Variants in FANCC observed in about 807,000 individuals in gnomAD.
FANCC encodes Fanconi anemia group C protein.
Under a neutral mutation model 71.3 loss-of-function variants are expected in FANCC, and 55 were observed. The observed-to-expected ratio is 0.77, with a 90% CI of 0.62 to 0.97. The LOEUF (loss-of-function observed/expected upper bound fraction) is 0.97, where lower values mean the gene tolerates loss of function less well. Ranked by LOEUF, FANCC falls within the 50% of genes least tolerant of loss-of-function variation. The pLI is 0.00. For synonymous variants in FANCC, 275 were observed against 244.9 expected (o/e 1.12, Z -1.15); for missense variants, 678 against 670.9 (o/e 1.01, Z -0.12).
chr9:95,307,355 C>A (rs1835127058), intron 1 of FANCC, among the ~76,000 whole-genome samples: 1 of 152,024 alleles, frequency 6.6e-6, no homozygotes, highest in Non-Finnish European at 1.5e-5. Flanking sequence ...AAAAACCATG[C>A]TTATAAAACC....
chr9:95,265,911 G>C (rs1256281855), intron 1 of FANCC, among the ~76,000 whole-genome samples: 1 of 152,132 alleles, frequency 6.6e-6, no homozygotes, highest in African/African-American at 2.4e-5. Flanking sequence ...TTACACTGTG[G>C]GAAGGGCTGG....
Position 95,291,819 on chromosome 9 carries a change from G to T in FANCC, c.-79+25707C>A, listed in dbSNP as rs147048675. ...AAAAATTAGCTGAGGATAGTGGCAG[G>T]CACCTGTAGTCCCGGTTACTCGGGA... On this transcript the variant is annotated intron_variant, in intron 1 of 14. Transcript: ENST00000289081. Among the ~76,000 whole-genome samples, 977 of 151,288 alleles carry T rather than the reference G, an allele frequency of 6.5e-3. 7 individuals carry two copies. The highest frequency in any genetic ancestry group is 0.021 in the African/African-American group (854 of 41,258).
intron 4 of FANCC, among the ~76,000 whole-genome samples, chr9:95,200,859 C>T (rs537416705): frequency 2.0e-4 from 30 of 152,154 alleles, no homozygotes; most frequent in Admixed American, 1.6e-3. Flanking sequence ...GAATAAAAGG[C>T]GCATATTTTA....
At chr9:95,191,610 T>C (rs1243289730) in intron 4 of FANCC, among the ~76,000 whole-genome samples, 2 of 152,058 alleles carry the variant, frequency 1.3e-5, no homozygotes, top group South Asian at 2.1e-4. Context: ...AACTGTGCAA[T>C]TGGTATCTCA....
intron 4 of FANCC, among the ~76,000 whole-genome samples, chr9:95,181,617 T>A (rs781778902): frequency 1.2e-4 from 18 of 152,208 alleles, no homozygotes; most frequent in Non-Finnish European, 1.9e-4. Flanking sequence ...ACTGAGTTTC[T>A]AAATATACAA....
At chr9:95,306,706 T>A (rs1363577966) in intron 1 of FANCC, among the ~76,000 whole-genome samples, 1 of 152,218 alleles carries the variant, frequency 6.6e-6, no homozygotes, top group Admixed American at 6.5e-5. Context: ...GAAAAGGTTA[T>A]CATCTCATAA....
intron 1 of FANCC, among the ~76,000 whole-genome samples, chr9:95,261,216 G>A (rs893083590): frequency 1.3e-5 from 2 of 152,132 alleles, no homozygotes; most frequent in East Asian, 3.8e-4. Flanking sequence ...TCAGATTTAT[G>A]GTAATTTCAA....
At chr9:95,140,566 G>A (rs950129518) in intron 7 of FANCC, among the ~76,000 whole-genome samples, 3 of 152,176 alleles carry the variant, frequency 2.0e-5, no homozygotes, top group Non-Finnish European at 4.4e-5. Context: ...CTGAGAGGTT[G>A]TGTTCTAAAG....
At chr9:95,187,632 C>T (rs562916835) in intron 4 of FANCC, among the ~76,000 whole-genome samples, 1 of 152,060 alleles carries the variant, frequency 6.6e-6, no homozygotes, top group Admixed American at 6.5e-5. Context: ...ACAAACACCC[C>T]CTTTCCACTG....
At chr9:95,149,455 A>G (rs890682775) in intron 7 of FANCC, among the ~76,000 whole-genome samples, 2 of 152,202 alleles carry the variant, frequency 1.3e-5, no homozygotes, top group Non-Finnish European at 2.9e-5. Flanking sequence ...AAAAATAAAA[A>G]AATAAAATGT....
At position 95,271,927 on chromosome 9, in the gene FANCC, CTTTTT is replaced by C. The variant is rs869093626; in HGVS notation, c.-78-22563_-78-22559del. Among the ~76,000 whole-genome samples the C allele has an allele frequency of 1.2e-3, 59 of 50,492 alleles. 1 individual carries two copies. The highest frequency in any genetic ancestry group is 2.1e-3 in the African/African-American group (27 of 12,970). 33.1% of individuals were successfully genotyped at this position (50,492 alleles called of 152,430 possible). Reference sequence around the variant, plus strand: ...TTCCATCAATCCCATCAAGCCTCTTCTTTTTTTTTTTTTTTTTTTTTTTTTTTGAG... The same window carrying C: ...TTCCATCAATCCCATCAAGCCTCTTCTTTTTTTTTTTTTTTTTTTTTTGAG... On this transcript the variant is annotated intron_variant, in intron 1 of 14. Coordinates refer to ENST00000289081, the MANE Select transcript of FANCC (RefSeq NM_000136.3).
At chr9:95,143,418 G>GC (rs1829060475) in intron 7 of FANCC, among the ~76,000 whole-genome samples, 1 of 152,108 alleles carries the variant, frequency 6.6e-6, no homozygotes, top group Non-Finnish European at 1.5e-5. Flanking sequence ...TTGGCTACCA[G>GC]CCCCCATCCC....
At chr9:95,271,927 CTTTTTTT>C (rs869093626) in intron 1 of FANCC, among the ~76,000 whole-genome samples, 537 of 50,488 alleles carry the variant, frequency 0.011, 9 homozygotes, top group African/African-American at 0.039. Flanking sequence ...CAAGCCTCTT[CTTTTTTT>C]TTTTTTTTTT....
At chr9:95,237,548 T>G (rs983792390) in intron 4 of FANCC, among the ~76,000 whole-genome samples, 11 of 152,256 alleles carry the variant, frequency 7.2e-5, no homozygotes, top group African/African-American at 2.7e-4. Context: ...GGCGGCCGCC[T>G]GCCACATGTG....
chr9:95,302,013 C>A lies in FANCC; in HGVS notation c.-79+15513G>T, dbSNP rs555873547. 4.4e-5 allele frequency among the ~76,000 whole-genome samples: 6 copies of A among 136,266 alleles called. No individual in the cohort carries two copies. In the South Asian group the frequency reaches 1.4e-3, roughly 32 times the overall value. 89.4% of individuals were successfully genotyped at this position (136,266 alleles called of 152,430 possible). Reference sequence around the variant, plus strand: ...AGGAGAATGGCAGGAACCCGGGAGGCGGAGTTTGCAGTGAGCAGAGATGGC... The same window carrying A: ...AGGAGAATGGCAGGAACCCGGGAGGAGGAGTTTGCAGTGAGCAGAGATGGC... On this transcript the variant is annotated intron_variant, in intron 1 of 14. Coordinates refer to ENST00000289081, the MANE Select transcript of FANCC (RefSeq NM_000136.3).
At chr9:95,308,099 C>T (rs967138867) in intron 1 of FANCC, among the ~76,000 whole-genome samples, 1 of 152,172 alleles carries the variant, frequency 6.6e-6, no homozygotes, top group Admixed American at 6.5e-5. Context: ...TAGTCATAGC[C>T]ACTTTGGCCA....
chr9:95,299,494 C>T (rs192732726), intron 1 of FANCC, among the ~76,000 whole-genome samples: 16 of 152,284 alleles, frequency 1.1e-4, no homozygotes, highest in Admixed American at 5.2e-4. Context: ...TTTCTAAGCC[C>T]CAGAATAGGT....
chr9:95,117,310 C>T lies in FANCC; in HGVS notation c.1072+5G>A. 1 of 1,613,824 alleles carries T rather than the reference C, an allele frequency of 6.2e-7. No homozygotes were observed. The highest frequency in any genetic ancestry group is 8.5e-7 in the Non-Finnish European group (1 of 1,179,826). ...CTGATGTGGGCAAAGTCAACCCTAACTCACCTTGAGGGTCTTGCAGCAGCA... is the reference window on the plus strand; with the variant it reads ...CTGATGTGGGCAAAGTCAACCCTAATTCACCTTGAGGGTCTTGCAGCAGCA... On this transcript the variant is annotated splice_donor_5th_base_variant and intron_variant, in intron 11 of 14. Transcript: ENST00000289081.
At chr9:95,150,506 C>T (rs1344225894) in intron 6 of FANCC, among the ~76,000 whole-genome samples, 1 of 152,182 alleles carries the variant, frequency 6.6e-6, no homozygotes, top group Admixed American at 6.5e-5. Flanking sequence ...ACCTCCATCA[C>T]TGTCCTCCTA....
Sources: allele counts gnomAD v4.1 joint callset (sites outside exome capture counted in the v4.1 genomes callset), GRCh38; gene constraint gnomAD v4.1.1; transcripts MANE v1.5; gene names NCBI Gene and HGNC (gene_info 2026-07-23, HGNC 2026-07-21).